The following PRDM16 variants were observed in gnomAD, a reference collection of about 807,000 sequenced individuals.
PRDM16 encodes the protein PR/SET domain 16.
A neutral mutation model predicts 110.6 loss-of-function variants in PRDM16; 23 were observed. That is an observed-to-expected ratio of 0.21 (90% CI 0.15 to 0.29). The LOEUF is 0.29. Ranked by LOEUF, PRDM16 falls within the 10% of genes least tolerant of loss-of-function variation. PRDM16 has a pLI of 1.00. For synonymous variants in PRDM16, 799 were observed against 781.8 expected, an observed-to-expected ratio of 1.02 and a Z score of -0.37; for missense variants, 1,615 against 1,794.3, an observed-to-expected ratio of 0.90 and a Z score of 1.81.
At chr1:3,270,872 A>G (rs1284934955) in intron 3 of PRDM16, among the ~76,000 whole-genome samples, 1 of 151,806 alleles carries the variant, frequency 6.6e-6, no homozygotes, top group East Asian at 1.9e-4. Context: ...GGAGGAGGAC[A>G]GTCCAGGAGG....
rs879378899 is a variant in PRDM16, at chr1:3,255,443, G to C, written c.438+11306G>C. ...CCGACACTTCAGGAGCCCAGCCCAT[G>C]ATGGCACTGAGCTGTCAACACAGTT... On this transcript the variant is annotated intron_variant, in intron 3 of 16. Coordinates refer to ENST00000270722, the MANE Select transcript of PRDM16 (RefSeq NM_022114.4). The surrounding 1 kb of genome is among the most constrained non-coding windows in gnomAD (Gnocchi z 4.7). Among the ~76,000 whole-genome samples the C allele has an allele frequency of 6.6e-5, 10 of 152,140 alleles. No homozygotes were observed. Among genetic ancestry groups the C allele is most frequent in the South Asian group, 2.1e-4 (1 of 4,816 alleles).
chr1:3,125,409 A>AC (rs1000214482), intron 1 of PRDM16, among the ~76,000 whole-genome samples: 4 of 152,030 alleles, frequency 2.6e-5, no homozygotes, highest in Admixed American at 6.5e-5. Flanking sequence ...GTCTCCTCTG[A>AC]CCCCCCAGAG....
At chr1:3,313,464 C>T (rs186175093) in intron 3 of PRDM16, among the ~76,000 whole-genome samples, 17 of 152,186 alleles carry the variant, frequency 1.1e-4, no homozygotes, top group African/African-American at 3.1e-4. Context: ...GGGCAGTGTC[C>T]GAGGCTCTGC....
chr1:3,305,379 T>TGCCCAGGC (rs1266255649), intron 3 of PRDM16, among the ~76,000 whole-genome samples: 3 of 152,130 alleles, frequency 2.0e-5, no homozygotes, highest in Admixed American at 6.5e-5. Flanking sequence ...GGGGCCCAGG[T>TGCCCAGGC]GCCCAGGCCC....
chr1:3,196,666 C>G (rs1419349696), intron 2 of PRDM16, among the ~76,000 whole-genome samples: 1 of 152,234 alleles, frequency 6.6e-6, no homozygotes, highest in Non-Finnish European at 1.5e-5. Flanking sequence ...GCCACATTCT[C>G]TACCTACTAC....
chr1:3,210,880 A>G (rs542283549), intron 2 of PRDM16, among the ~76,000 whole-genome samples: 5 of 152,218 alleles, frequency 3.3e-5, no homozygotes, highest in Non-Finnish European at 5.9e-5. Context: ...TATATCTATT[A>G]GGTATTTATT....
chr1:3,085,609 G>C (rs1023567467), intron 1 of PRDM16, among the ~76,000 whole-genome samples: 3 of 152,238 alleles, frequency 2.0e-5, no homozygotes, highest in Non-Finnish European at 2.9e-5. Flanking sequence ...TGCTGAGTGG[G>C]GTAATCCATC....
intron 1 of PRDM16, among the ~76,000 whole-genome samples, chr1:3,085,431 G>A (rs1045891712): frequency 6.6e-6 from 1 of 152,288 alleles, no homozygotes; most frequent in Admixed American, 6.5e-5. Flanking sequence ...GGGCAGCAGG[G>A]CCCCCCAGGG....
chr1:3,412,807 A>G lies in PRDM16; in HGVS notation c.2603+7A>G. The G allele has an allele frequency of 6.9e-7, 1 of 1,447,800 alleles. No individual in the cohort carries two copies. The highest frequency in any genetic ancestry group is 9.1e-7 in the Non-Finnish European group (1 of 1,100,288). 89.7% of individuals were successfully genotyped at this position (1,447,800 alleles called of 1,614,324 possible). A position where few individuals can be genotyped will look rare whatever the true frequency, so the allele number is the denominator to read the frequency against. Reference sequence around the variant, plus strand: ...TCATGGACCCCATCTACAGGTATTCAGCACCCCAGCCTCACTGGCTCTCCC... The same window carrying G: ...TCATGGACCCCATCTACAGGTATTCGGCACCCCAGCCTCACTGGCTCTCCC... On this transcript the variant is annotated splice_region_variant and intron_variant, in intron 9 of 16. Coordinates refer to ENST00000270722, the MANE Select transcript of PRDM16 (RefSeq NM_022114.4).
chr1:3,122,244 T>C (rs1557463638), intron 1 of PRDM16, among the ~76,000 whole-genome samples: 1 of 152,022 alleles, frequency 6.6e-6, no homozygotes, highest in South Asian at 2.1e-4. Context: ...CTTCTAACAA[T>C]TTCTAATCGA....
chr1:3,090,200 G>A (rs937584515), intron 1 of PRDM16, among the ~76,000 whole-genome samples: 9 of 152,216 alleles, frequency 5.9e-5, no homozygotes, highest in South Asian at 4.1e-4. Flanking sequence ...ACGCCACCAC[G>A]GGGCTGGTCC....
intron 3 of PRDM16, among the ~76,000 whole-genome samples, chr1:3,369,797 A>C (rs916580955): frequency 5.9e-5 from 9 of 152,260 alleles, no homozygotes; most frequent in Admixed American, 5.2e-4. Context: ...GGGCATCCAA[A>C]GACAACATTG....
intron 3 of PRDM16, among the ~76,000 whole-genome samples, chr1:3,355,667 G>A (rs938065268): frequency 6.6e-6 from 1 of 152,146 alleles, no homozygotes; most frequent in Non-Finnish European, 1.5e-5. Flanking sequence ...CACTCTTGTG[G>A]CCCCGGACCC....
chr1:3,088,869 G>C (rs1642210811), intron 1 of PRDM16, among the ~76,000 whole-genome samples: 1 of 151,916 alleles, frequency 6.6e-6, no homozygotes, highest in Admixed American at 6.6e-5. Context: ...TGCAACCTCT[G>C]CCTCCCGGGT....
At chr1:3,421,466 C>T (rs566734948) in intron 12 of PRDM16, among the ~76,000 whole-genome samples, 2 of 152,330 alleles carry the variant, frequency 1.3e-5, no homozygotes, top group South Asian at 4.1e-4. Flanking sequence ...TTTCACTGGC[C>T]GCTTGTCAGC....
intron 1 of PRDM16, among the ~76,000 whole-genome samples, chr1:3,118,112 T>C (rs140738327): frequency 3.5e-3 from 452 of 128,936 alleles, no homozygotes; most frequent in African/African-American, 0.012. Context: ...CATGTGTGTG[T>C]GCGTGTGCGT....
rs564164861 is a variant in PRDM16 at position 3,385,752 on chromosome 1, A to G, written c.573+466A>G. Reference sequence around the variant, plus strand: ...GAGGCAGCCACTCGGGGGGCCTCCTAGAGCCTCCGGGGCCTCTGACCAGCC... The same window carrying G: ...GAGGCAGCCACTCGGGGGGCCTCCTGGAGCCTCCGGGGCCTCTGACCAGCC... On this transcript the variant is annotated intron_variant, in intron 4 of 16. Coordinates refer to ENST00000270722, the MANE Select transcript of PRDM16 (RefSeq NM_022114.4). 1.3e-3 allele frequency among the ~76,000 whole-genome samples: 191 copies of G among 152,330 alleles called. 1 individual carries two copies. The highest frequency in any genetic ancestry group is 4.4e-3 in the African/African-American group (181 of 41,582).
intron 1 of PRDM16, among the ~76,000 whole-genome samples, chr1:3,125,295 G>T (rs896069311): frequency 6.6e-6 from 1 of 152,274 alleles, no homozygotes; most frequent in Non-Finnish European, 1.5e-5. Context: ...GGCTGGAGAG[G>T]CCTCAGAGCT....
At chr1:3,279,067 C>T (rs80293419) in intron 3 of PRDM16, among the ~76,000 whole-genome samples, 1 of 152,296 alleles carries the variant, frequency 6.6e-6, no homozygotes, top group East Asian at 1.9e-4. Flanking sequence ...CTCTCCATGT[C>T]AACTTTGCAA....
Sources: allele counts gnomAD v4.1 joint callset (sites outside exome capture counted in the v4.1 genomes callset), GRCh38; gene constraint gnomAD v4.1.1; non-coding constraint Gnocchi (gnomAD v3.1); transcripts MANE v1.5; gene names NCBI Gene and HGNC (gene_info 2026-07-23, HGNC 2026-07-21).